ANTXR1: variants seen among roughly 807,000 people sequenced by gnomAD.
The protein encoded by ANTXR1 is anthrax toxin receptor 1.
Under a neutral mutation model 78.1 loss-of-function variants are expected in ANTXR1, and 19 were observed. That is an observed-to-expected ratio of 0.24 (90% CI 0.17 to 0.36). The LOEUF is 0.36. Ranked by LOEUF, ANTXR1 falls within the 10% of genes least tolerant of loss-of-function variation. ANTXR1 has a pLI of 1.00. For missense variants in ANTXR1, 518 were observed against 718.6 expected (o/e 0.72, Z 3.19); for synonymous variants, 273 against 260.5 (o/e 1.05, Z -0.46).
Position 69,027,621 on chromosome 2 carries a change from A to AGTGTGTGTGTGT in ANTXR1, c.153-12416_153-12405dup, listed in dbSNP as rs10631795. 6.4e-3 allele frequency among the ~76,000 whole-genome samples: 939 copies of AGTGTGTGTGTGT among 146,896 alleles called. 9 individuals are homozygous for AGTGTGTGTGTGT. Among genetic ancestry groups the AGTGTGTGTGTGT allele is most frequent in the African/African-American group, 0.014 (525 of 38,280 alleles). On this transcript the variant is annotated intron_variant, in intron 1 of 17. Transcript: ENST00000303714. The stretch of plus-strand genomic sequence containing the variant: ...AAGTTTATAAGTGTGAGATGATGCA[A>AGTGTGTGTGTGT]GTGTGTGTGTGTGTGTGTATGTGTG...
chr2:69,089,182 C>A (rs1671147213), intron 8 of ANTXR1, among the ~76,000 whole-genome samples: 1 of 152,154 alleles, frequency 6.6e-6, no homozygotes, highest in South Asian at 2.1e-4. Flanking sequence ...GAAAAGTAGT[C>A]AGAAAATCTG....
intron 3 of ANTXR1, among the ~76,000 whole-genome samples, chr2:69,045,133 T>C (rs1669723954): frequency 1.3e-5 from 2 of 152,184 alleles, no homozygotes; most frequent in Admixed American, 1.3e-4. Context: ...TGGGGGACTA[T>C]ATTTTCTTTT....
At chr2:69,167,505 G>A (rs1413240142) in intron 13 of ANTXR1, among the ~76,000 whole-genome samples, 2 of 152,174 alleles carry the variant, frequency 1.3e-5, no homozygotes, top group East Asian at 3.8e-4. Flanking sequence ...CAAGGATTTG[G>A]CCCACTCACG....
intron 3 of ANTXR1, among the ~76,000 whole-genome samples, chr2:69,056,869 G>A (rs1356263072): frequency 6.6e-6 from 1 of 151,968 alleles, no homozygotes; most frequent in African/African-American, 2.4e-5. Context: ...AGTAGAGACG[G>A]GGTTTCACCA....
At chr2:69,205,831 A>G (rs1674886037) in intron 17 of ANTXR1, among the ~76,000 whole-genome samples, 2 of 152,216 alleles carry the variant, frequency 1.3e-5, no homozygotes, top group South Asian at 4.1e-4. Context: ...GAGGCTGATT[A>G]AAACTTTAAA....
chr2:69,152,539 T>C (rs13416633), intron 13 of ANTXR1, among the ~76,000 whole-genome samples: 99 of 152,194 alleles, frequency 6.5e-4, no homozygotes, highest in African/African-American at 2.1e-3. Context: ...TTAGGGAAGA[T>C]CCACAGGACA....
chr2:69,113,458 G>A (rs1672052694), intron 10 of ANTXR1, among the ~76,000 whole-genome samples: 1 of 152,164 alleles, frequency 6.6e-6, no homozygotes, highest in Non-Finnish European at 1.5e-5. Flanking sequence ...GAGAAGTTGG[G>A]TACTGCTGAG....
intron 17 of ANTXR1, among the ~76,000 whole-genome samples, chr2:69,224,468 T>G (rs1278777739): frequency 1.3e-5 from 2 of 152,206 alleles, no homozygotes; most frequent in African/African-American, 4.8e-5. Flanking sequence ...TTTAGTTTTA[T>G]CACCCTTTTT....
intron 17 of ANTXR1, among the ~76,000 whole-genome samples, chr2:69,226,491 T>TAGG (rs1159009307): frequency 6.6e-6 from 1 of 152,032 alleles, no homozygotes; most frequent in East Asian, 1.9e-4. Context: ...TGGGAGAGCC[T>TAGG]AGGAGCCAAA....
At chr2:69,184,883 C>G (rs1674382040) in intron 16 of ANTXR1, among the ~76,000 whole-genome samples, 3 of 152,150 alleles carry the variant, frequency 2.0e-5, no homozygotes, top group Non-Finnish European at 4.4e-5. Context: ...ATTCCCAGGC[C>G]CAGTGACCCA....
chr2:69,161,031 G>C (rs140051720), intron 13 of ANTXR1, among the ~76,000 whole-genome samples: 320 of 152,300 alleles, frequency 2.1e-3, no homozygotes, highest in African/African-American at 7.5e-3. Context: ...ACTCACCCTT[G>C]TTCCTTCTGT....
At chr2:69,127,642 A>C (rs1672582720) in intron 12 of ANTXR1, among the ~76,000 whole-genome samples, 1 of 152,090 alleles carries the variant, frequency 6.6e-6, no homozygotes, top group Non-Finnish European at 1.5e-5. Flanking sequence ...TTTCAGGCAA[A>C]AGGTGATGAT....
chr2:69,099,721 T>A (rs1275738062), intron 9 of ANTXR1, among the ~76,000 whole-genome samples: 1 of 152,234 alleles, frequency 6.6e-6, no homozygotes, highest in Non-Finnish European at 1.5e-5. Flanking sequence ...ATGGACCTTA[T>A]TAAGCCTCAG....
intron 16 of ANTXR1, among the ~76,000 whole-genome samples, chr2:69,185,726 A>C (rs780262028): frequency 3.9e-5 from 6 of 152,142 alleles, no homozygotes; most frequent in Non-Finnish European, 7.4e-5. Flanking sequence ...ATTAATGTTC[A>C]CACTGGGTCC....
chr2:69,119,659 A>G (rs1672280598), intron 10 of ANTXR1, among the ~76,000 whole-genome samples: 1 of 152,128 alleles, frequency 6.6e-6, no homozygotes, highest in East Asian at 1.9e-4. Flanking sequence ...TATGAGCCTA[A>G]TGATCCCTGC....
In ANTXR1 at chr2:69,066,064, A is replaced by G. The variant is rs78796138; in HGVS notation, c.297-4583A>G. Among the ~76,000 whole-genome samples, 1,327 of 152,380 alleles carry G rather than the reference A, an allele frequency of 8.7e-3. 20 individuals are homozygous for G. The highest frequency in any genetic ancestry group is 0.03 in the African/African-American group (1,246 of 41,598). On this transcript the variant is annotated intron_variant, in intron 3 of 17. Transcript: ENST00000303714. ...ATAAAGAAGAAGAAGGAAGAGTACC[A>G]GAGATGATAAGCTCTTTTACAAGAA...
intron 13 of ANTXR1, among the ~76,000 whole-genome samples, chr2:69,169,861 T>C (rs1271632350): frequency 1.3e-5 from 2 of 152,250 alleles, no homozygotes; most frequent in Non-Finnish European, 2.9e-5. Context: ...TGTGTGACAA[T>C]TCTTTGTTAA....
chr2:69,050,129 A>G (rs1369822631), intron 3 of ANTXR1, among the ~76,000 whole-genome samples: 1 of 151,978 alleles, frequency 6.6e-6, no homozygotes, highest in Non-Finnish European at 1.5e-5. Flanking sequence ...CCCCATCTCT[A>G]CAAAAAATAA....
chr2:69,128,245 G>T, intron 12 of ANTXR1, among the ~76,000 whole-genome samples: 1 of 149,712 alleles, frequency 6.7e-6, no homozygotes, highest in East Asian at 2.0e-4. Flanking sequence ...AAAAAAATTT[G>T]TTTAGCCCTT....
Sources: gnomAD v4.1 joint callset for allele counts (sites outside exome capture counted in the v4.1 genomes callset) on GRCh38, gnomAD v4.1.1 for gene constraint, MANE v1.5 for transcripts, NCBI Gene and HGNC (gene_info 2026-07-23, HGNC 2026-07-21) for gene names.